OSBPL1A: variants seen among roughly 807,000 people sequenced by gnomAD.
OSBPL1A encodes oxysterol binding protein like 1A, also known as oxysterol-binding protein-related protein 1.
Under a neutral mutation model 137.1 loss-of-function variants are expected in OSBPL1A, and 80 were observed. The ratio of observed to expected loss-of-function variants is 0.58; its 90% CI spans 0.49 to 0.70. OSBPL1A has a LOEUF of 0.70. OSBPL1A is among the 30% of genes least tolerant of loss of function. The probability of loss-of-function intolerance (pLI) is 0.00; values close to 1 mark genes in which losing one functional copy is unlikely to be tolerated. For synonymous variants in OSBPL1A, 365 were observed against 389.7 expected (o/e 0.94, Z 0.75); for missense variants, 970 against 1,129.4 (o/e 0.86, Z 2.02).
intron 27 of OSBPL1A, among the ~76,000 whole-genome samples, chr18:24,163,909 T>C (rs1424834006): frequency 1.3e-5 from 2 of 152,004 alleles, no homozygotes; most frequent in East Asian, 3.9e-4. Flanking sequence ...ATTTTGTATT[T>C]TTAGTAGAGA....
At chr18:24,233,199 T>C (rs557529473) in intron 16 of OSBPL1A, among the ~76,000 whole-genome samples, 1 of 152,314 alleles carries the variant, frequency 6.6e-6, no homozygotes, top group African/African-American at 2.4e-5. Flanking sequence ...AATAAGTGTT[T>C]CAAAAACAAC....
intron 15 of OSBPL1A, among the ~76,000 whole-genome samples, chr18:24,277,622 G>A (rs966407079): frequency 2.0e-5 from 3 of 152,184 alleles, no homozygotes; most frequent in Non-Finnish European, 4.4e-5. Context: ...AAAGCTTTAT[G>A]CCTGCTCTTT....
In OSBPL1A at chr18:24,237,194, G is replaced by A. The variant is rs576851919; in HGVS notation, c.1444+2026C>T. On this transcript the variant is annotated intron_variant, in intron 16 of 27. Coordinates refer to ENST00000319481, the MANE Select transcript of OSBPL1A (RefSeq NM_080597.4). ...AATCAGAACCTCTGAGGAGGAGAAGGAGTGCATGATTAACTGGGATAACAG... is the reference window on the plus strand; with the variant it reads ...AATCAGAACCTCTGAGGAGGAGAAGAAGTGCATGATTAACTGGGATAACAG... 5.3e-5 allele frequency among the ~76,000 whole-genome samples: 8 copies of A among 152,322 alleles called. No homozygotes were observed. The East Asian group carries it at 1.5e-3, about 29-fold the overall frequency.
intron 14 of OSBPL1A, among the ~76,000 whole-genome samples, chr18:24,291,798 AT>A (rs2090178560): frequency 1.3e-5 from 2 of 152,054 alleles, no homozygotes; most frequent in Non-Finnish European, 2.9e-5. Flanking sequence ...ATTGCCTGTA[AT>A]TCCAGCACTT....
intron 15 of OSBPL1A, chr18:24,272,011 C>T: frequency 4.1e-6 from 4 of 981,396 alleles, no homozygotes; most frequent in Non-Finnish European, 4.8e-6. Flanking sequence ...CTGCGGCGGG[C>T]GGCTCCCTGC....
At chr18:24,183,018 A>G (rs2086647720) in intron 18 of OSBPL1A, among the ~76,000 whole-genome samples, 2 of 151,872 alleles carry the variant, frequency 1.3e-5, no homozygotes. Context: ...ACAGATGTGC[A>G]CCACCAGACC....
chr18:24,319,335 T>C (rs150574223), intron 7 of OSBPL1A, among the ~76,000 whole-genome samples: 194 of 152,322 alleles, frequency 1.3e-3, no homozygotes, highest in African/African-American at 4.3e-3. Context: ...TGTAACTACA[T>C]AGATCTACCT....
intron 15 of OSBPL1A, among the ~76,000 whole-genome samples, chr18:24,246,240 A>G (rs2088882875): frequency 6.6e-6 from 1 of 151,908 alleles, no homozygotes. Flanking sequence ...ATAAATATGT[A>G]AGAATAAAGA....
chr18:24,175,135 TAC>T (rs200022346), intron 21 of OSBPL1A, among the ~76,000 whole-genome samples: 21 of 96,610 alleles, frequency 2.2e-4, no homozygotes, highest in African/African-American at 8.2e-4. Context: ...TATATATATA[TAC>T]ACATATATAT....
At chr18:24,278,246 C>T (rs995794488) in intron 15 of OSBPL1A, among the ~76,000 whole-genome samples, 5 of 152,148 alleles carry the variant, frequency 3.3e-5, no homozygotes, top group East Asian at 3.9e-4. Context: ...AAACACAACA[C>T]GATCATTCCA....
At position 24,224,355 on chromosome 18, in the gene OSBPL1A, T is replaced by C. The variant is rs1046598436; in HGVS notation, c.1601+687A>G. On this transcript the variant is annotated intron_variant, in intron 17 of 27. Coordinates refer to ENST00000319481, the MANE Select transcript of OSBPL1A (RefSeq NM_080597.4). ...CTTACCCAAAAAGTAATTTTTATAA[T>C]GACAACAGAATACATCCTTCACTGA... Among the ~76,000 whole-genome samples the C allele has an allele frequency of 2.0e-5, 3 of 152,214 alleles. No individual in the cohort carries two copies. The East Asian group carries it at 5.8e-4, about 29-fold the overall frequency.
At chr18:24,396,174 C>T (rs1169888713) in intron 1 of OSBPL1A, among the ~76,000 whole-genome samples, 1 of 150,418 alleles carries the variant, frequency 6.6e-6, no homozygotes, top group Non-Finnish European at 1.5e-5. Context: ...AGCCTGAGAT[C>T]GCGCCACTGC....
chr18:24,331,702 T>A (rs1156986908), intron 7 of OSBPL1A, among the ~76,000 whole-genome samples: 2 of 152,194 alleles, frequency 1.3e-5, no homozygotes, highest in African/African-American at 4.8e-5. Context: ...GGCGGCATGT[T>A]CCTCTTTTAA....
At chr18:24,312,492 C>A (rs1365361975) in intron 12 of OSBPL1A, among the ~76,000 whole-genome samples, 1 of 152,114 alleles carries the variant, frequency 6.6e-6, no homozygotes, top group Non-Finnish European at 1.5e-5. Flanking sequence ...TCCAGACACA[C>A]AATTTTACTA....
chr18:24,351,347 C>CAAAAAAAAAAAAAAAAA lies in OSBPL1A; in HGVS notation c.283-9706_283-9690dup, dbSNP rs1172514692. 7.4e-3 allele frequency among the ~76,000 whole-genome samples: 264 copies of CAAAAAAAAAAAAAAAAA among 35,722 alleles called. 11 individuals carry two copies. Among genetic ancestry groups the CAAAAAAAAAAAAAAAAA allele is most frequent in the East Asian group, 0.012 (8 of 670 alleles). The allele number at this position is 35,722 out of a possible 152,430, so 23.4% of individuals were successfully genotyped here. ...CTGGACAACAGAGAAGACTCTGTCT[C>CAAAAAAAAAAAAAAAAA]AAAAAAAAAAAAAAAAAAAAAAGAC... On this transcript the variant is annotated intron_variant, in intron 4 of 27. Transcript: ENST00000319481.
chr18:24,199,373 G>A (rs1443490307), intron 17 of OSBPL1A, among the ~76,000 whole-genome samples: 1 of 151,958 alleles, frequency 6.6e-6, no homozygotes, highest in Non-Finnish European at 1.5e-5. Flanking sequence ...TAACATCCTT[G>A]CCCCCAGCTC....
chr18:24,330,441 A>C (rs1049832808), intron 7 of OSBPL1A, among the ~76,000 whole-genome samples: 1 of 152,354 alleles, frequency 6.6e-6, no homozygotes, highest in Admixed American at 6.5e-5. Context: ...ATAAAAAGAC[A>C]ATAATGGTAA....
At chr18:24,171,601 T>G in intron 22 of OSBPL1A, 103 bp from the exon 23 acceptor site, 1 of 849,498 alleles carries the variant, frequency 1.2e-6, no homozygotes, top group Non-Finnish European at 1.9e-6. Context: ...GTTTATGGAT[T>G]TTCTCTGTGT....
chr18:24,172,959 T>A (rs546221079), intron 21 of OSBPL1A, among the ~76,000 whole-genome samples: 7 of 152,300 alleles, frequency 4.6e-5, no homozygotes, highest in African/African-American at 1.7e-4. Context: ...GAATGTTCAC[T>A]GCAGCACTGT....
Sources: allele counts gnomAD v4.1 joint callset (sites outside exome capture counted in the v4.1 genomes callset), GRCh38; gene constraint gnomAD v4.1.1; transcripts MANE v1.5; gene names NCBI Gene and HGNC (gene_info 2026-07-23, HGNC 2026-07-21).